CDK14: variants seen among roughly 807,000 people sequenced by gnomAD.
The protein encoded by CDK14 is cyclin-dependent kinase 14.
A neutral mutation model predicts 60.7 loss-of-function variants in CDK14; 34 were observed. The observed-to-expected ratio is 0.56, with a 90% confidence interval of 0.43 to 0.75. CDK14 has a LOEUF of 0.75. CDK14 is among the 30% of genes least tolerant of loss of function. The pLI is 0.00. For synonymous variants in CDK14, 197 were observed against 203.7 expected (o/e 0.97, Z 0.28); for missense variants, 482 against 564.1 (o/e 0.85, Z 1.47).
chr7:90,898,282 A>G (rs10487991), intron 6 of CDK14, among the ~76,000 whole-genome samples: 24,615 of 152,014 alleles, frequency 0.16, 2,273 homozygotes, highest in Middle Eastern at 0.28. Flanking sequence ...CCTGGAACAT[A>G]TGGGCTCAAA....
intron 14 of CDK14, among the ~76,000 whole-genome samples, chr7:91,149,973 G>A (rs1800784327): frequency 1.3e-5 from 2 of 152,168 alleles, no homozygotes; most frequent in South Asian, 4.1e-4. Context: ...AGTGAGCCCT[G>A]GTAGCAGGAG....
chr7:90,699,671 A>C (rs1801741214), intron 2 of CDK14, among the ~76,000 whole-genome samples: 1 of 152,172 alleles, frequency 6.6e-6, no homozygotes, highest in African/African-American at 2.4e-5. Flanking sequence ...GAGTTAAATA[A>C]CCTTGGTGGG....
At chr7:90,778,148 T>A (rs1184854216) in intron 4 of CDK14, among the ~76,000 whole-genome samples, 1 of 152,234 alleles carries the variant, frequency 6.6e-6, no homozygotes, top group Admixed American at 6.5e-5. Flanking sequence ...CAATGCTTCC[T>A]TTATGTCTCC....
chr7:90,806,593 C>A (rs541536909), intron 5 of CDK14, among the ~76,000 whole-genome samples: 25 of 152,342 alleles, frequency 1.6e-4, no homozygotes, highest in Non-Finnish European at 3.1e-4. Flanking sequence ...CCAGGTTCAT[C>A]TCACTGGGAA....
intron 14 of CDK14, among the ~76,000 whole-genome samples, chr7:91,147,998 A>T (rs929313629): frequency 1.3e-5 from 2 of 152,242 alleles, no homozygotes; most frequent in African/African-American, 2.4e-5. Flanking sequence ...ACATATGCAT[A>T]TATAATCAAT....
intron 10 of CDK14, among the ~76,000 whole-genome samples, chr7:90,992,273 A>G (rs2115696941): frequency 6.6e-6 from 1 of 152,330 alleles, no homozygotes; most frequent in African/African-American, 2.4e-5. Context: ...ATTTGAATTA[A>G]CTCACATAGT....
intron 2 of CDK14, among the ~76,000 whole-genome samples, chr7:90,664,869 A>C (rs1488468482): frequency 6.6e-6 from 1 of 152,144 alleles, no homozygotes; most frequent in Non-Finnish European, 1.5e-5. Context: ...CAGCACACCA[A>C]CATGGCACGT....
In CDK14 at chr7:90,644,311, C is replaced by G. The variant is rs368771396; in HGVS notation, c.123+40062C>G. 5.9e-5 allele frequency among the ~76,000 whole-genome samples: 9 copies of G among 152,190 alleles called. No individual in the cohort carries two copies. In the East Asian group the frequency reaches 1.3e-3, roughly 23 times the overall value. ...ACAGTCATAATGATAATAACCAAAA[C>G]AATTATTTATTACCTAACATATATC... On this transcript the variant is annotated intron_variant, in intron 2 of 14. Coordinates refer to ENST00000380050, the MANE Select transcript of CDK14 (RefSeq NM_001287135.2).
intron 13 of CDK14, 105 bp from the exon 14 acceptor site, chr7:91,117,959 GT>G (rs748080576): frequency 2.2e-4 from 134 of 614,434 alleles, no homozygotes; most frequent in Non-Finnish European, 2.7e-4. Context: ...GATGTTCAGT[GT>G]GCTGGGCATC....
At chr7:90,782,197 C>T (rs1052867524) in intron 4 of CDK14, among the ~76,000 whole-genome samples, 2 of 152,092 alleles carry the variant, frequency 1.3e-5, no homozygotes, top group African/African-American at 4.8e-5. Context: ...TGGGAGTTCA[C>T]TCATGATTTG....
At chr7:90,869,770 G>T (rs892067899) in intron 6 of CDK14, among the ~76,000 whole-genome samples, 6 of 152,226 alleles carry the variant, frequency 3.9e-5, no homozygotes, top group African/African-American at 1.4e-4. Flanking sequence ...GGCAGGAACA[G>T]CATGAGACTG....
chr7:90,783,892 A>G lies in CDK14; in HGVS notation c.465-6681A>G, dbSNP rs544675020. Among the ~76,000 whole-genome samples the G allele has an allele frequency of 3.9e-5, 6 of 152,176 alleles. No homozygotes were observed. The East Asian group carries it at 9.7e-4, about 25-fold the overall frequency. On this transcript the variant is annotated intron_variant, in intron 4 of 14. Transcript: ENST00000380050. Reference sequence around the variant, plus strand: ...GGAGGAGCGTCAAAAAACTAGAACTACCATATCATCCAGCAGTCCCACTCC... The same window carrying G: ...GGAGGAGCGTCAAAAAACTAGAACTGCCATATCATCCAGCAGTCCCACTCC...
chr7:90,703,843 T>TG (rs1465401564), intron 2 of CDK14, among the ~76,000 whole-genome samples: 2 of 152,190 alleles, frequency 1.3e-5, no homozygotes, highest in Non-Finnish European at 1.5e-5. Flanking sequence ...CCCTGCTCTT[T>TG]GGGAGGCCAA....
chr7:90,964,284 C>A (rs958710553), intron 9 of CDK14, among the ~76,000 whole-genome samples: 2 of 152,116 alleles, frequency 1.3e-5, no homozygotes, highest in African/African-American at 4.8e-5. Context: ...CAAGTGACTC[C>A]ATTTTGATTG....
chr7:90,766,289 T>A (rs1274924147), intron 4 of CDK14, among the ~76,000 whole-genome samples: 1 of 152,222 alleles, frequency 6.6e-6, no homozygotes, highest in African/African-American at 2.4e-5. Flanking sequence ...ACTCCATTTT[T>A]TTCACCTGTG....
At chr7:90,958,131 G>A (rs2117576978) in intron 9 of CDK14, among the ~76,000 whole-genome samples, 1 of 152,184 alleles carries the variant, frequency 6.6e-6, no homozygotes, top group South Asian at 2.1e-4. Flanking sequence ...CTGTGATGAG[G>A]CCTGGCTTCT....
intron 11 of CDK14, among the ~76,000 whole-genome samples, chr7:91,064,771 A>G (rs1489309815): frequency 6.6e-6 from 1 of 152,094 alleles, no homozygotes; most frequent in East Asian, 1.9e-4. Flanking sequence ...GAGAGTTTGG[A>G]TGGGGGATTT....
At chr7:90,612,298 A>C (rs375973785) in intron 2 of CDK14, among the ~76,000 whole-genome samples, 1 of 152,076 alleles carries the variant, frequency 6.6e-6, no homozygotes, top group Non-Finnish European at 1.5e-5. Context: ...CTTTCTTGTC[A>C]TAGTACTCCC....
intron 6 of CDK14, among the ~76,000 whole-genome samples, chr7:90,891,201 T>TA (rs1348253072): frequency 4.6e-5 from 7 of 152,142 alleles, no homozygotes; most frequent in Admixed American, 1.3e-4. Context: ...AAGGGTGGCT[T>TA]AGAGTTTTTA....
Sources: gnomAD v4.1 joint callset for allele counts (sites outside exome capture counted in the v4.1 genomes callset) on GRCh38, gnomAD v4.1.1 for gene constraint, MANE v1.5 for transcripts, NCBI Gene and HGNC (gene_info 2026-07-23, HGNC 2026-07-21) for gene names.